Variants in GALNT7 observed in about 807,000 individuals in gnomAD.
GALNT7 encodes the protein N-acetylgalactosaminyltransferase 7.
In GALNT7, 60 loss-of-function variants were observed where a neutral mutation model predicts 82.1. The ratio of observed to expected loss-of-function variants is 0.73; its 90% CI spans 0.59 to 0.91. The LOEUF (loss-of-function observed/expected upper bound fraction) is 0.91, where lower values mean the gene tolerates loss of function less well. GALNT7 is among the 40% of genes least tolerant of loss of function. The probability of loss-of-function intolerance (pLI) is 0.00; values close to 1 mark genes in which losing one functional copy is unlikely to be tolerated. For synonymous variants in GALNT7, 243 were observed against 275.1 expected (o/e 0.88, Z 1.15); for missense variants, 660 against 804.2 (o/e 0.82, Z 2.17).
At chr4:173,296,207 T>C (rs1397022210) in intron 5 of GALNT7, among the ~76,000 whole-genome samples, 1 of 152,200 alleles carries the variant, frequency 6.6e-6, no homozygotes, top group Admixed American at 6.5e-5. Context: ...TACCTGTTGA[T>C]TTTTGTGCCT....
At chr4:173,213,738 G>C (rs1224989390) in intron 1 of GALNT7, among the ~76,000 whole-genome samples, 1 of 152,048 alleles carries the variant, frequency 6.6e-6, no homozygotes, top group Non-Finnish European at 1.5e-5. Context: ...TAAAGATTAA[G>C]TCACAAAAAT....
intron 1 of GALNT7, among the ~76,000 whole-genome samples, chr4:173,191,470 A>G (rs1316948978): frequency 6.6e-6 from 1 of 152,220 alleles, no homozygotes; most frequent in Non-Finnish European, 1.5e-5. Context: ...GCTAAGTTCT[A>G]GAGCCAGATT....
At position 173,238,971 on chromosome 4, in the gene GALNT7, T is replaced by C. The variant is rs1579943220; in HGVS notation, c.127-9009T>C. On this transcript the variant is annotated intron_variant, in intron 1 of 11. Coordinates refer to ENST00000265000, the MANE Select transcript of GALNT7 (RefSeq NM_017423.3). ...AAAATTAACCTGTATTTTGGTCCTT[T>C]AATTACTTGCTTGTTTTTAAAATTT... Among the ~76,000 whole-genome samples, 3 of 152,362 alleles carry C rather than the reference T, an allele frequency of 2.0e-5. No individual in the cohort carries two copies. In the South Asian group the frequency reaches 6.2e-4, roughly 32 times the overall value.
chr4:173,248,623 G>A (rs554180754), intron 2 of GALNT7, among the ~76,000 whole-genome samples, 183 bp downstream of exon 2: 1 of 152,166 alleles, frequency 6.6e-6, no homozygotes, highest in Non-Finnish European at 1.5e-5. Flanking sequence ...CCATTGTATT[G>A]AAGGTGGGCT....
intron 1 of GALNT7, among the ~76,000 whole-genome samples, chr4:173,220,734 G>T (rs936382657): frequency 2.1e-5 from 3 of 144,376 alleles, no homozygotes; most frequent in African/African-American, 7.8e-5. Context: ...TCCCACCTAT[G>T]AGTGAGAATA....
chr4:173,283,602 A>T (rs868829423), intron 2 of GALNT7, among the ~76,000 whole-genome samples: 27 of 149,102 alleles, frequency 1.8e-4, no homozygotes, highest in Non-Finnish European at 3.0e-5. Context: ...ATGCCACTGC[A>T]CTCGGCCTGG....
intron 1 of GALNT7, among the ~76,000 whole-genome samples, chr4:173,213,862 C>G (rs1208695257): frequency 1.3e-5 from 2 of 152,084 alleles, no homozygotes; most frequent in African/African-American, 4.8e-5. Context: ...CATCTTTCTC[C>G]TTGATTAAAT....
At chr4:173,306,119 A>G (rs1737146575) in intron 8 of GALNT7, among the ~76,000 whole-genome samples, 1 of 152,038 alleles carries the variant, frequency 6.6e-6, no homozygotes, top group African/African-American at 2.4e-5. Flanking sequence ...CACCTCCTAA[A>G]TATTTTATTG....
chr4:173,268,835 G>A (rs1040559932), intron 2 of GALNT7, among the ~76,000 whole-genome samples: 7 of 151,842 alleles, frequency 4.6e-5, no homozygotes, highest in African/African-American at 9.7e-5. Context: ...CACCGCACCC[G>A]GACACTTGTT....
At chr4:173,222,738 T>TTA (rs1280952054) in intron 1 of GALNT7, among the ~76,000 whole-genome samples, 1 of 152,206 alleles carries the variant, frequency 6.6e-6, no homozygotes, top group East Asian at 1.9e-4. Context: ...TTACCTGCGA[T>TTA]TATATAGCTA....
intron 2 of GALNT7, among the ~76,000 whole-genome samples, chr4:173,262,561 T>C (rs935826693): frequency 7.9e-5 from 12 of 152,336 alleles, no homozygotes; most frequent in Middle Eastern, 3.4e-3. Context: ...AGTTTTGTCA[T>C]TGGCAACAAG....
At chr4:173,231,855 C>T (rs1579935528) in intron 1 of GALNT7, among the ~76,000 whole-genome samples, 2 of 152,162 alleles carry the variant, frequency 1.3e-5, no homozygotes, top group African/African-American at 4.8e-5. Context: ...ATAACAGAAG[C>T]TCTTCCTGTG....
intron 2 of GALNT7, among the ~76,000 whole-genome samples, chr4:173,259,789 C>T (rs763819452): frequency 6.6e-6 from 1 of 152,140 alleles, no homozygotes; most frequent in South Asian, 2.1e-4. Flanking sequence ...AGGTGCCCGC[C>T]ACCACGCCCA....
intron 1 of GALNT7, among the ~76,000 whole-genome samples, chr4:173,188,695 C>A (rs760665900): frequency 2.8e-4 from 43 of 152,168 alleles, no homozygotes; most frequent in Non-Finnish European, 5.4e-4. Context: ...GCCTTCCTTT[C>A]ATGTTCATGT....
intron 8 of GALNT7, among the ~76,000 whole-genome samples, chr4:173,307,412 A>G (rs1243832335): frequency 1.3e-5 from 2 of 152,250 alleles, no homozygotes; most frequent in Non-Finnish European, 2.9e-5. Flanking sequence ...GTAGCCAAGA[A>G]TGGGAGCACA....
intron 1 of GALNT7, among the ~76,000 whole-genome samples, chr4:173,218,037 T>A (rs904370282): frequency 6.6e-6 from 1 of 152,236 alleles, no homozygotes; most frequent in Admixed American, 6.5e-5. Flanking sequence ...TGAATCACTT[T>A]GTTAAATTTT....
At chr4:173,259,708 G>A (rs1735186637) in intron 2 of GALNT7, among the ~76,000 whole-genome samples, 1 of 152,150 alleles carries the variant, frequency 6.6e-6, no homozygotes, top group African/African-American at 2.4e-5. Context: ...CACGATCTCA[G>A]CTCACTGCAA....
chr4:173,321,639 G>A lies in GALNT7; in HGVS notation c.1896G>A (p.Leu632=). Residue 632 remains leucine (L), a synonymous_variant, in exon 12 of 12, where the codon CTG becomes CTA. Transcript: ENST00000265000. ...AGTGTTTAGATCGCTCAGAGGTCCTGCATCAAGTATTCATCTCCAATTGTG... is the reference window on the plus strand; with the variant it reads ...AGTGTTTAGATCGCTCAGAGGTCCTACATCAAGTATTCATCTCCAATTGTG... ...SGKCLDRSEV[L]HQVFISNCDS... 6.2e-7 allele frequency: 1 copy of A among 1,601,378 alleles called. No homozygotes were observed. Among genetic ancestry groups the A allele is most frequent in the African/African-American group, 1.3e-5 (1 of 74,752 alleles).
intron 10 of GALNT7, among the ~76,000 whole-genome samples, chr4:173,318,041 T>G (rs113520389): frequency 5.4e-4 from 83 of 152,336 alleles, no homozygotes; most frequent in African/African-American, 1.7e-3. Flanking sequence ...TCCCTAACAA[T>G]TTTTTGCAAG....
Sources: allele counts gnomAD v4.1 joint callset (sites outside exome capture counted in the v4.1 genomes callset), GRCh38; gene constraint gnomAD v4.1.1; transcripts MANE v1.5; gene names NCBI Gene and HGNC (gene_info 2026-07-23, HGNC 2026-07-21).